MVK: variants seen among roughly 807,000 people sequenced by gnomAD.
MVK encodes mevalonate kinase.
A neutral mutation model predicts 43.2 loss-of-function variants in MVK; 34 were observed. The observed-to-expected ratio is 0.79, with a 90% confidence interval of 0.60 to 1.05. The LOEUF (loss-of-function observed/expected upper bound fraction) is 1.05. Among genes scored for constraint, MVK ranks in the 50% least tolerant of loss-of-function variants. MVK has a pLI of 0.00. For synonymous variants in MVK, 190 were observed against 219.8 expected (o/e 0.86, Z 1.20); for missense variants, 395 against 504.0 (o/e 0.78, Z 2.07).
At position 109,596,627 on chromosome 12, in the gene MVK, T is replaced by C; in HGVS notation, c.*50T>C. On this transcript the variant is annotated 3_prime_UTR_variant, in exon 11 of 11. Transcript: ENST00000228510. The stretch of plus-strand genomic sequence containing the variant: ...CACCCAGATGCCCCTTTCTGGATTA[T>C]TCTGGGGGCTGCAGTTCGACTCTGT... The C allele has an allele frequency of 5.0e-6, 8 of 1,590,176 alleles. No homozygotes were observed. Among genetic ancestry groups the C allele is most frequent in the Non-Finnish European group, 6.8e-6 (8 of 1,174,068 alleles).
chr12:109,592,042 G>A (rs1173590960), intron 9 of MVK, among the ~76,000 whole-genome samples: 3 of 152,170 alleles, frequency 2.0e-5, no homozygotes, highest in Admixed American at 1.3e-4. Context: ...CCAGGAGTTC[G>A]AGACCAGGCT....
intron 5 of MVK, among the ~76,000 whole-genome samples, chr12:109,582,324 G>A (rs1236037404): frequency 1.2e-4 from 14 of 113,494 alleles, no homozygotes; most frequent in African/African-American, 3.8e-4. Context: ...TTTTTTGTTT[G>A]TTTGTTTGTT....
chr12:109,575,109 A>G (rs568346755), intron 2 of MVK, among the ~76,000 whole-genome samples: 1 of 152,178 alleles, frequency 6.6e-6, no homozygotes, highest in South Asian at 2.1e-4. Context: ...TGATTATAAT[A>G]TAAAGCCCTG....
At chr12:109,585,601 C>G (rs1291472676) in intron 5 of MVK, among the ~76,000 whole-genome samples, 1 of 152,124 alleles carries the variant, frequency 6.6e-6, no homozygotes, top group Non-Finnish European at 1.5e-5. Flanking sequence ...AACCCCGTCT[C>G]TACTAAAAAA....
chr12:109,578,893 G>A (rs1431288069), intron 3 of MVK, among the ~76,000 whole-genome samples: 1 of 152,204 alleles, frequency 6.6e-6, no homozygotes, highest in Non-Finnish European at 1.5e-5. Flanking sequence ...AGTGGCCCAG[G>A]TTCCTGTACA....
At position 109,595,294 on chromosome 12, in the gene MVK, T is replaced by C; in HGVS notation, c.1039+113T>C. 2 of 1,401,080 alleles carry C rather than the reference T, an allele frequency of 1.4e-6. No homozygotes were observed. Among genetic ancestry groups the C allele is most frequent in the South Asian group, 2.6e-5 (2 of 77,500 alleles). The allele number at this position is 1,401,080 out of a possible 1,614,324, so 86.8% of individuals were successfully genotyped here. A position where few individuals can be genotyped will look rare whatever the true frequency, so the allele number is the denominator to read the frequency against. On this transcript the variant is annotated intron_variant, in intron 10 of 10. Coordinates refer to ENST00000228510, the MANE Select transcript of MVK (RefSeq NM_000431.4). This position sits in a 1 kb window ranked among gnomAD's most constrained non-coding sequence, Gnocchi z 5.9. ...CTGGAAACAGGTCTCAGCTCCGCTG[T>C]GTGGCCTTGGGCAAGTTAGTTAACC...
chr12:109,591,128 A>C (rs140275641), intron 8 of MVK, 113 bp from the exon 9 acceptor site: 3 of 1,109,976 alleles, frequency 2.7e-6, no homozygotes, highest in Non-Finnish European at 4.1e-6. Flanking sequence ...GTTTCCCCAG[A>C]GGATGGGCAC....
chr12:109,577,107 G>C (rs894229190), intron 3 of MVK, among the ~76,000 whole-genome samples: 1 of 152,140 alleles, frequency 6.6e-6, no homozygotes, highest in Non-Finnish European at 1.5e-5. Flanking sequence ...CCAAAATTGG[G>C]TCAGGCCATA....
intron 8 of MVK, 143 bp from the exon 9 acceptor site, chr12:109,591,098 A>T (rs963412227): frequency 1.0e-6 from 1 of 953,166 alleles, no homozygotes; most frequent in African/African-American, 1.6e-5. Context: ...AGGCAAAAAA[A>T]CAGGCTCAGA....
rs763324893 is a variant in MVK at position 109,581,520 on chromosome 12, A to T, written c.497A>T (p.Asn166Ile). The T allele has an allele frequency of 1.2e-6, 2 of 1,614,102 alleles. No homozygotes were observed. The highest frequency in any genetic ancestry group is 1.7e-6 in the Non-Finnish European group (2 of 1,180,000). Reference protein sequence around the residue: ...ALLTVCEEIPNPLKDGDCVNR... With the variant: ...ALLTVCEEIPIPLKDGDCVNR... ...CTGACTGTGTGCGAGGAGATCCCAAACCCGCTGAAGGACGGGGATTGCGTC... is the reference window on the plus strand; with the variant it reads ...CTGACTGTGTGCGAGGAGATCCCAATCCCGCTGAAGGACGGGGATTGCGTC... The change falls in exon 5 of 11, where the codon AAC (asparagine) becomes ATC (isoleucine). Residue 166 changes from asparagine to isoleucine, a missense_variant. Transcript: ENST00000228510.
intron 5 of MVK, among the ~76,000 whole-genome samples, chr12:109,585,793 C>T (rs1377324808): frequency 1.3e-5 from 2 of 152,134 alleles, no homozygotes; most frequent in Admixed American, 6.5e-5. Flanking sequence ...CAAAGTAGGA[C>T]CACGGGAGTC....
intron 5 of MVK, 65 bp from the exon 6 acceptor site, chr12:109,585,957 C>T: frequency 1.4e-5 from 19 of 1,367,626 alleles, no homozygotes; most frequent in Non-Finnish European, 1.9e-5. Flanking sequence ...CAGCACAGCC[C>T]CAGGTGACCC....
At chr12:109,591,112 G>A in intron 8 of MVK, 129 bp from the exon 9 acceptor site, 1 of 1,000,232 alleles carries the variant, frequency 1.0e-6, no homozygotes, top group Non-Finnish European at 1.6e-6. Context: ...GCTCAGAAGA[G>A]AGGTGGTTTC....
rs104895316 is a variant in MVK at position 109,591,266 on chromosome 12, T to G, written c.794T>G (p.Leu265Arg). The G allele has an allele frequency of 3.1e-6, 5 of 1,614,200 alleles. No individual in the cohort carries two copies. Among genetic ancestry groups the G allele is most frequent in the Non-Finnish European group, 4.2e-6 (5 of 1,180,018 alleles). Residue 265 changes from leucine (L) to arginine (R), a missense_variant, in exon 9 of 11, where the codon CTG becomes CGG. Coordinates refer to ENST00000228510, the MANE Select transcript of MVK (RefSeq NM_000431.4). Reference sequence around the variant, plus strand: ...TTCCCAGAGATCGTGGCCCCCCTCCTGACCTCAATAGATGCCATCTCCCTG... The same window carrying G: ...TTCCCAGAGATCGTGGCCCCCCTCCGGACCTCAATAGATGCCATCTCCCTG... ...LKFPEIVAPL[L>R]TSIDAISLEC...
At chr12:109,585,468 G>T (rs1885396476) in intron 5 of MVK, among the ~76,000 whole-genome samples, 1 of 152,164 alleles carries the variant, frequency 6.6e-6, no homozygotes, top group Non-Finnish European at 1.5e-5. Context: ...TTAGATAACA[G>T]GCCCAGAGTC....
intron 6 of MVK, 56 bp downstream of exon 6, chr12:109,586,181 A>G (rs2136237172): frequency 7.5e-7 from 1 of 1,336,340 alleles, no homozygotes; most frequent in East Asian, 2.4e-5. Context: ...TCTTATTACA[A>G]TGGTAGGTGC....
In MVK at chr12:109,579,866, G is replaced by A; in HGVS notation, c.291G>A (p.Leu97=). ...QVEKLKEVAG[L]PDDCAVTERL... is the part of the protein sequence containing the mutation. ...AGAAGCTAAAGGAGGTTGCAGGCTT[G>A]CCTGACGACTGTGCTGTCACCGAGC... Residue 97 remains leucine (L), a synonymous_variant, in exon 4 of 11, where the codon TTG becomes TTA. Transcript: ENST00000228510. The A allele has an allele frequency of 4.3e-6, 7 of 1,614,280 alleles. No individual in the cohort carries two copies. The highest frequency in any genetic ancestry group is 5.9e-6 in the Non-Finnish European group (7 of 1,180,056).
chr12:109,583,895 G>A (rs1885331714), intron 5 of MVK, among the ~76,000 whole-genome samples: 2 of 152,172 alleles, frequency 1.3e-5, no homozygotes, highest in African/African-American at 4.8e-5. Context: ...TGTCTGTTTT[G>A]CTCCCTACTA....
At chr12:109,590,500 A>G (rs1885618680) in intron 7 of MVK, 1 of 508,204 alleles carries the variant, frequency 2.0e-6, no homozygotes, top group African/African-American at 1.9e-5. Context: ...CCCCAAGGCC[A>G]CGCTGTGCCT....
Sources: gnomAD v4.1 joint callset for allele counts (sites outside exome capture counted in the v4.1 genomes callset) on GRCh38, gnomAD v4.1.1 for gene constraint, Gnocchi (gnomAD v3.1) non-coding constraint, MANE v1.5 for transcripts, NCBI Gene and HGNC (gene_info 2026-07-23, HGNC 2026-07-21) for gene names.